PCDHA1: variants seen among roughly 807,000 people sequenced by gnomAD.
PCDHA1 encodes the protein protocadherin alpha-1.
PCDHA1 carries 42 observed loss-of-function variants against 61.3 expected under a neutral mutation model. That is an observed-to-expected ratio of 0.69 (90% CI 0.54 to 0.89). The LOEUF (loss-of-function observed/expected upper bound fraction) is 0.89. Among genes scored for constraint, PCDHA1 ranks in the 40% least tolerant of loss-of-function variants. The pLI is 0.00. For synonymous variants in PCDHA1, 610 were observed against 553.8 expected (o/e 1.10, Z -1.43); for missense variants, 1,256 against 1,235.3 (o/e 1.02, Z -0.25).
chr5:140,874,444 T>C (rs2054916108), intron 1 of PCDHA1, among the ~76,000 whole-genome samples: 1 of 152,222 alleles, frequency 6.6e-6, no homozygotes, highest in South Asian at 2.1e-4. Context: ...TCCTAACTAC[T>C]AAATGACCTG....
At chr5:140,884,169 C>CG (rs2153400955) in intron 1 of PCDHA1, 1 of 1,613,426 alleles carries the variant, frequency 6.2e-7, no homozygotes, top group East Asian at 2.2e-5. Context: ...ATCAGCACGA[C>CG]GCGCCCTCTG....
chr5:140,849,765 G>A, intron 1 of PCDHA1: 1 of 1,598,514 alleles, frequency 6.3e-7, no homozygotes, highest in Non-Finnish European at 8.6e-7. Context: ...CTACGAGCTG[G>A]TGGTTACCGC....
chr5:140,972,552 T>G (rs1247039171), intron 1 of PCDHA1, among the ~76,000 whole-genome samples: 1 of 152,160 alleles, frequency 6.6e-6, no homozygotes, highest in Admixed American at 6.5e-5. Flanking sequence ...CAGTGAGGAT[T>G]CTGAAGTAAC....
chr5:140,881,491 C>A (rs1476916826), intron 1 of PCDHA1: 2 of 285,934 alleles, frequency 7.0e-6, no homozygotes, highest in Non-Finnish European at 1.1e-5. Flanking sequence ...TGTGTTTATG[C>A]ACATACACAC....
intron 1 of PCDHA1, among the ~76,000 whole-genome samples, chr5:140,964,412 GC>G (rs1330052602): frequency 7.9e-5 from 12 of 152,126 alleles, no homozygotes; most frequent in African/African-American, 2.9e-4. Flanking sequence ...ACATTTGGGG[GC>G]TTCCATTAAA....
At chr5:140,976,208 A>G (rs2096706017) in intron 1 of PCDHA1, among the ~76,000 whole-genome samples, 1 of 152,202 alleles carries the variant, frequency 6.6e-6, no homozygotes, top group Non-Finnish European at 1.5e-5. Context: ...TCAGAAGTAA[A>G]AAAGAGAAAG....
chr5:140,836,091 G>A, intron 1 of PCDHA1: 1 of 1,613,712 alleles, frequency 6.2e-7, no homozygotes, highest in Non-Finnish European at 8.5e-7. Flanking sequence ...GGCGCCTCGG[G>A]TGGGTGGCAC....
At chr5:141,006,813 T>C (rs1171771789) in intron 3 of PCDHA1, among the ~76,000 whole-genome samples, 1 of 152,018 alleles carries the variant, frequency 6.6e-6, no homozygotes, top group African/African-American at 2.4e-5. Flanking sequence ...GCTTGAGAAA[T>C]GGGGTAAATG....
chr5:140,796,400 C>A (rs202116317), intron 1 of PCDHA1: 5 of 1,613,752 alleles, frequency 3.1e-6, no homozygotes, highest in Non-Finnish European at 3.4e-6. Flanking sequence ...ACGGTGTCAG[C>A]GTGGGATGCG....
chr5:141,001,058 A>G (rs1554257985), intron 3 of PCDHA1, among the ~76,000 whole-genome samples: 2 of 152,146 alleles, frequency 1.3e-5, no homozygotes, highest in African/African-American at 4.8e-5. Flanking sequence ...TAAATCATTT[A>G]AAATTAAATA....
rs934481202 is a variant in PCDHA1, at chr5:140,902,279, C to A, written c.2395-76670C>A. On this transcript the variant is annotated intron_variant, in intron 1 of 3. Coordinates refer to ENST00000504120, the MANE Select transcript of PCDHA1 (RefSeq NM_018900.4). ...TCTCGAACTCCTGGGCTCAAGCAATCCTCCTGCCTCAGCCTCCCAAAGTGC... is the reference window on the plus strand; with the variant it reads ...TCTCGAACTCCTGGGCTCAAGCAATACTCCTGCCTCAGCCTCCCAAAGTGC... Among the ~76,000 whole-genome samples the A allele has an allele frequency of 2.7e-5, 4 of 148,452 alleles. No individual in the cohort carries two copies. The Admixed American group carries it at 2.7e-4, about 10-fold the overall frequency.
intron 1 of PCDHA1, chr5:140,850,243 G>A: frequency 6.3e-7 from 1 of 1,593,880 alleles, no homozygotes; most frequent in Non-Finnish European, 8.6e-7. Flanking sequence ...ATGGTGCTGC[G>A]GTCGGTGGGC....
At chr5:140,868,256 T>TGG (rs2050360583) in intron 1 of PCDHA1, 1 of 152,126 alleles carries the variant, frequency 6.6e-6, no homozygotes, top group Non-Finnish European at 1.5e-5. Context: ...TTTTCCTTTG[T>TGG]GGATTCTTTT....
At chr5:140,830,470 A>G in intron 1 of PCDHA1, 2 of 1,563,546 alleles carry the variant, frequency 1.3e-6, no homozygotes, top group Non-Finnish European at 8.7e-7. Context: ...ATTTAAATGA[A>G]GATCATGATG....
intron 3 of PCDHA1, among the ~76,000 whole-genome samples, chr5:141,006,373 G>A (rs550999366): frequency 1.1e-4 from 17 of 151,910 alleles, no homozygotes; most frequent in African/African-American, 3.1e-4. Context: ...CACCACGCCC[G>A]GCTAAGTTTT....
intron 3 of PCDHA1, among the ~76,000 whole-genome samples, chr5:140,998,767 T>C (rs367972918): frequency 5.3e-5 from 8 of 152,312 alleles, no homozygotes; most frequent in African/African-American, 1.9e-4. Flanking sequence ...TTTCACTATG[T>C]TGGTCAGGCT....
chr5:140,860,192 C>CATATATATATATAT (rs143984774), intron 1 of PCDHA1: 1 of 146,860 alleles, frequency 6.8e-6, no homozygotes, highest in African/African-American at 2.5e-5. Context: ...GCTCTCCTTA[C>CATATATATATATAT]ATATATATCT....
intron 1 of PCDHA1, chr5:140,823,306 G>T (rs2150124482): frequency 6.2e-7 from 1 of 1,612,180 alleles, no homozygotes; most frequent in Non-Finnish European, 8.5e-7. Flanking sequence ...TTCGGTGCAC[G>T]CGGAGAGCGG....
intron 1 of PCDHA1, among the ~76,000 whole-genome samples, chr5:140,791,036 C>T (rs1554118613): frequency 6.6e-6 from 1 of 152,188 alleles, no homozygotes; most frequent in East Asian, 1.9e-4. Flanking sequence ...GTTAACACAA[C>T]TTTCAACAGG....
Sources: gnomAD v4.1 joint callset for allele counts (sites outside exome capture counted in the v4.1 genomes callset) on GRCh38, gnomAD v4.1.1 for gene constraint, MANE v1.5 for transcripts, NCBI Gene and HGNC (gene_info 2026-07-23, HGNC 2026-07-21) for gene names.